BMPER: variants seen among roughly 807,000 people sequenced by gnomAD.
BMPER encodes BMP-binding endothelial regulator protein.
A neutral mutation model predicts 87.3 loss-of-function variants in BMPER; 45 were observed. That is an observed-to-expected ratio of 0.52 (90% CI 0.41 to 0.66). The LOEUF (loss-of-function observed/expected upper bound fraction) is 0.66. Ranked by LOEUF, BMPER falls within the 30% of genes least tolerant of loss-of-function variation. BMPER has a pLI of 0.00. For missense variants in BMPER, 784 were observed against 867.5 expected, an observed-to-expected ratio of 0.90 and a Z score of 1.21; for synonymous variants, 326 against 316.2, an observed-to-expected ratio of 1.03 and a Z score of -0.33.
chr7:34,022,356 T>G (rs950625312), intron 6 of BMPER, among the ~76,000 whole-genome samples: 1 of 151,954 alleles, frequency 6.6e-6, no homozygotes, highest in African/African-American at 2.4e-5. Context: ...GAATTCCCAG[T>G]GAGGAGTGCT....
intron 2 of BMPER, among the ~76,000 whole-genome samples, chr7:33,920,715 G>A (rs927396926): frequency 3.3e-5 from 5 of 152,002 alleles, no homozygotes; most frequent in East Asian, 1.9e-4. Context: ...GTGAGCCATC[G>A]CACCTGGCCA....
intron 13 of BMPER, among the ~76,000 whole-genome samples, chr7:34,123,892 C>T (rs374961299): frequency 2.6e-5 from 4 of 152,268 alleles, no homozygotes; most frequent in African/African-American, 9.6e-5. Context: ...GAGACTATAT[C>T]TTTTAATCTG....
chr7:34,152,677 G>T (rs1027887033), intron 14 of BMPER, among the ~76,000 whole-genome samples: 1 of 151,440 alleles, frequency 6.6e-6, no homozygotes, highest in African/African-American at 2.4e-5. Context: ...TTTCTCTGTG[G>T]GTAATTTCAT....
intron 13 of BMPER, among the ~76,000 whole-genome samples, chr7:34,122,751 A>G (rs774217004): frequency 2.0e-5 from 3 of 152,162 alleles, no homozygotes; most frequent in Non-Finnish European, 4.4e-5. Flanking sequence ...TTTTTTCCAC[A>G]TGCTTTTAAT....
Position 34,154,244 on chromosome 7 carries a change from T to G in BMPER, c.*971T>G, listed in dbSNP as rs1362117335. On this transcript the variant is annotated 3_prime_UTR_variant, in exon 15 of 15. Coordinates refer to ENST00000649409, the MANE Select transcript of BMPER (RefSeq NM_001365308.1). ...TAGAGGAGTCCCATCCAACACTATT[T>G]GGCGACTGTTAATATGTTATAATTA... The G allele has an allele frequency of 6.6e-6, 1 of 152,470 alleles. No homozygotes were observed. The highest frequency in any genetic ancestry group is 1.5e-5 in the Non-Finnish European group (1 of 68,036). The allele number at this position is 152,470 out of a possible 1,614,324, so 9.4% of individuals were successfully genotyped here. A position where few individuals can be genotyped will look rare whatever the true frequency, so the allele number is the denominator to read the frequency against.
At chr7:33,945,067 G>T (rs1784855357) in intron 3 of BMPER, among the ~76,000 whole-genome samples, 1 of 150,664 alleles carries the variant, frequency 6.6e-6, no homozygotes, top group Admixed American at 6.6e-5. Flanking sequence ...TCAGCCTCCT[G>T]AGTAGCAGGG....
intron 6 of BMPER, among the ~76,000 whole-genome samples, chr7:33,983,641 A>G (rs2127918962): frequency 6.6e-6 from 1 of 152,326 alleles, no homozygotes; most frequent in East Asian, 1.9e-4. Flanking sequence ...CCTAAAGTCA[A>G]AAAACTAGCA....
Position 33,955,588 on chromosome 7 carries a change from G to A in BMPER, c.320-10891G>A, listed in dbSNP as rs116196113. Among the ~76,000 whole-genome samples, 1,359 of 152,144 alleles carry A rather than the reference G, an allele frequency of 8.9e-3. 26 individuals are homozygous for A. The highest frequency in any genetic ancestry group is 0.031 in the African/African-American group (1,295 of 41,488). ...AAAGTGTACTCAGCAAACATAGGCCGGCTTCATCCCACAGTGAAAGAGGCT... is the reference window on the plus strand; with the variant it reads ...AAAGTGTACTCAGCAAACATAGGCCAGCTTCATCCCACAGTGAAAGAGGCT... On this transcript the variant is annotated intron_variant, in intron 3 of 14. Transcript: ENST00000649409.
Position 34,146,200 on chromosome 7 carries a change from C to T in BMPER, c.1876+2840C>T, listed in dbSNP as rs532042195. ...CTGAACACTATAAAAGCCCTCTTTA[C>T]TTGTTTTTAGCTCCCAGGTCCTTTG... On this transcript the variant is annotated intron_variant, in intron 14 of 14. Coordinates refer to ENST00000649409, the MANE Select transcript of BMPER (RefSeq NM_001365308.1). 3.9e-5 allele frequency among the ~76,000 whole-genome samples: 6 copies of T among 152,252 alleles called. No homozygotes were observed. In the South Asian group the frequency reaches 1.2e-3, roughly 32 times the overall value.
intron 3 of BMPER, among the ~76,000 whole-genome samples, chr7:33,950,018 A>G (rs73319539): frequency 0.037 from 5,696 of 152,326 alleles, 359 homozygotes; most frequent in African/African-American, 0.13. Context: ...AACAGAGATC[A>G]GCTTTCCTTG....
intron 13 of BMPER, among the ~76,000 whole-genome samples, chr7:34,102,115 C>T (rs923310404): frequency 2.7e-5 from 4 of 147,986 alleles, no homozygotes; most frequent in African/African-American, 1.0e-4. Context: ...TTCAAGGTTT[C>T]CATGAGGTCC....
At chr7:34,025,480 A>G (rs939736560) in intron 6 of BMPER, among the ~76,000 whole-genome samples, 1 of 152,018 alleles carries the variant, frequency 6.6e-6, no homozygotes, top group Non-Finnish European at 1.5e-5. Flanking sequence ...CCGAGAGTGC[A>G]TGGTATTCAC....
At chr7:33,957,336 T>C (rs12155213) in intron 3 of BMPER, among the ~76,000 whole-genome samples, 1 of 148,856 alleles carries the variant, frequency 6.7e-6, no homozygotes, top group Non-Finnish European at 1.5e-5. Context: ...ATTATTCAGG[T>C]AGAAAAGAGT....
rs191049167 is a variant in BMPER at position 33,906,737 on chromosome 7, G to T, written c.134-81G>T. On this transcript the variant is annotated intron_variant, in intron 1 of 14. Coordinates refer to ENST00000649409, the MANE Select transcript of BMPER (RefSeq NM_001365308.1). Reference sequence around the variant, plus strand: ...AAGTTTGGGTAGAGGTTTCAAAAAGGATTAGTGTAAAAATTTTAAATGTTG... The same window carrying T: ...AAGTTTGGGTAGAGGTTTCAAAAAGTATTAGTGTAAAAATTTTAAATGTTG... 2,519 of 1,265,820 alleles carry T rather than the reference G, an allele frequency of 2.0e-3. 5 individuals are homozygous for T. Among genetic ancestry groups the T allele is most frequent in the African/African-American group, 0.011 (747 of 67,554 alleles). 78.4% of individuals were successfully genotyped at this position (1,265,820 alleles called of 1,614,324 possible).
intron 6 of BMPER, among the ~76,000 whole-genome samples, chr7:34,044,105 A>G (rs1375616648): frequency 1.3e-5 from 2 of 152,212 alleles, no homozygotes; most frequent in Non-Finnish European, 2.9e-5. Flanking sequence ...CAAACAAAAT[A>G]AAACTTGACT....
intron 2 of BMPER, among the ~76,000 whole-genome samples, chr7:33,912,614 G>GA (rs1315746476): frequency 6.6e-6 from 1 of 152,156 alleles, no homozygotes; most frequent in Non-Finnish European, 1.5e-5. Context: ...TAGTTAATAT[G>GA]AATTTGTTGG....
chr7:33,923,620 A>G (rs1260645732), intron 2 of BMPER, among the ~76,000 whole-genome samples: 1 of 152,140 alleles, frequency 6.6e-6, no homozygotes, highest in African/African-American at 2.4e-5. Context: ...GGTCCCTAAA[A>G]TACCTGGCAC....
intron 5 of BMPER, among the ~76,000 whole-genome samples, chr7:33,972,982 A>G (rs1785587004): frequency 6.6e-6 from 1 of 152,204 alleles, no homozygotes; most frequent in Admixed American, 6.5e-5. Context: ...GTCACTCAGA[A>G]GGACTGGCAT....
At chr7:34,128,425 A>G (rs1343970750) in intron 13 of BMPER, among the ~76,000 whole-genome samples, 1 of 152,184 alleles carries the variant, frequency 6.6e-6, no homozygotes, top group Non-Finnish European at 1.5e-5. Context: ...CGCCTTACTC[A>G]TCTTTGTCCC....
Sources: allele counts gnomAD v4.1 joint callset (sites outside exome capture counted in the v4.1 genomes callset), GRCh38; gene constraint gnomAD v4.1.1; transcripts MANE v1.5; gene names NCBI Gene and HGNC (gene_info 2026-07-23, HGNC 2026-07-21).